TAF4: variants seen among roughly 807,000 people sequenced by gnomAD.
TAF4 encodes TATA-box binding protein associated factor 4.
In TAF4, 9 loss-of-function variants were observed where a neutral mutation model predicts 90.3. That is an observed-to-expected ratio of 0.10 (90% confidence interval 0.06 to 0.17). The LOEUF (loss-of-function observed/expected upper bound fraction) is 0.17, where lower values mean the gene tolerates loss of function less well. Among genes scored for constraint, TAF4 ranks in the 10% least tolerant of loss-of-function variants. TAF4 has a pLI of 1.00. For synonymous variants in TAF4, 818 were observed against 638.9 expected (o/e 1.28, Z -4.23); for missense variants, 1,351 against 1,370.7 (o/e 0.99, Z 0.23).
intron 14 of TAF4, among the ~76,000 whole-genome samples, chr20:61,985,239 G>C (rs1387482547): frequency 6.6e-6 from 1 of 151,644 alleles, no homozygotes; most frequent in East Asian, 2.0e-4. Context: ...CACACTGAGG[G>C]ACTAAACCCG....
intron 1 of TAF4, among the ~76,000 whole-genome samples, chr20:62,047,653 A>T (rs2056001015): frequency 6.6e-6 from 1 of 152,190 alleles, no homozygotes; most frequent in South Asian, 2.1e-4. Flanking sequence ...ATAAAAAGAG[A>T]TGGAAACGGT....
intron 14 of TAF4, among the ~76,000 whole-genome samples, chr20:61,988,220 G>A (rs894400253): frequency 6.6e-6 from 1 of 151,914 alleles, no homozygotes; most frequent in Non-Finnish European, 1.5e-5. Context: ...TGGGTGAGAA[G>A]GACGTGTTGA....
chr20:62,047,813 G>A (rs79306734), intron 1 of TAF4, among the ~76,000 whole-genome samples: 2,258 of 152,262 alleles, frequency 0.015, 57 homozygotes, highest in African/African-American at 0.051. Context: ...GAATACAAAC[G>A]CACGCTATCC....
intron 14 of TAF4, among the ~76,000 whole-genome samples, chr20:61,983,118 G>C (rs1423723794): frequency 6.6e-6 from 1 of 152,038 alleles, no homozygotes; most frequent in Non-Finnish European, 1.5e-5. Context: ...CCAAAAGGCA[G>C]AGGAAGAAGC....
chr20:62,062,628 AGTT>A (rs759362978), intron 1 of TAF4, among the ~76,000 whole-genome samples: 3 of 152,202 alleles, frequency 2.0e-5, no homozygotes, highest in Non-Finnish European at 2.9e-5. Context: ...ACACTCCTAC[AGTT>A]GTTTTTCAAG....
chr20:62,000,061 C>A, intron 11 of TAF4, 63 bp downstream of exon 11: 1 of 1,613,142 alleles, frequency 6.2e-7, no homozygotes, highest in South Asian at 1.1e-5. Context: ...GAGGAGGCTC[C>A]CAGCCAGCAG....
intron 1 of TAF4, among the ~76,000 whole-genome samples, chr20:62,045,939 C>T (rs1462594597): frequency 6.6e-6 from 1 of 152,220 alleles, no homozygotes; most frequent in African/African-American, 2.4e-5. Context: ...TTTTCCTTCT[C>T]TCACGCAAAC....
At chr20:61,988,519 T>C (rs1464464587) in intron 14 of TAF4, among the ~76,000 whole-genome samples, 2 of 152,080 alleles carry the variant, frequency 1.3e-5, no homozygotes, top group African/African-American at 4.8e-5. Context: ...TTCCTGTAAG[T>C]ATAGAATTCA....
intron 1 of TAF4, among the ~76,000 whole-genome samples, chr20:62,061,111 T>G (rs1052799348): frequency 6.6e-6 from 1 of 152,194 alleles, no homozygotes; most frequent in Non-Finnish European, 1.5e-5. Context: ...ATCTAAACTT[T>G]TAGGAATGTC....
Position 62,007,595 on chromosome 20 carries a change from G to A in TAF4, c.1926C>T (p.Tyr642=). The A allele has an allele frequency of 5.0e-6, 8 of 1,605,180 alleles. No individual in the cohort carries two copies. Among genetic ancestry groups the A allele is most frequent in the Non-Finnish European group, 6.8e-6 (8 of 1,177,124 alleles). ...GTTGAGGTGAAGAATTAAGTTCTCG[G>A]TATAACCTGCTTGTGAAATCTTCTG... ...IEAEDFTSRL[Y]RELNSSPQPY... The change falls in exon 6 of 15, where the codon TAC becomes TAT. Residue 642 remains tyrosine, a synonymous_variant. Transcript: ENST00000252996.
chr20:62,016,137 T>C (rs1004696365), intron 1 of TAF4, among the ~76,000 whole-genome samples: 2 of 152,212 alleles, frequency 1.3e-5, no homozygotes, highest in Admixed American at 6.5e-5. Flanking sequence ...TCATCAGCCA[T>C]GTGGCCGCCA....
rs773097361 is a variant in TAF4 at position 62,003,706 on chromosome 20, G to A, written c.2371+25C>T. 9.6e-6 allele frequency: 15 copies of A among 1,558,568 alleles called. No individual in the cohort carries two copies. The East Asian group carries it at 1.2e-4, about 12-fold the overall frequency. ...CTGGGAGCAGCCCTTGGTGTTGAGC[G>A]GCCAGGGGCCCGCGAGGCCCTCACC... is the stretch of plus-strand genomic sequence containing the variant. On this transcript the variant is annotated intron_variant, in intron 8 of 14. Coordinates refer to ENST00000252996, the MANE Select transcript of TAF4 (RefSeq NM_003185.4).
At chr20:62,062,788 G>T (rs1332961137) in intron 1 of TAF4, among the ~76,000 whole-genome samples, 1 of 152,216 alleles carries the variant, frequency 6.6e-6, no homozygotes, top group Non-Finnish European at 1.5e-5. Context: ...GAAAGAGACA[G>T]ATGAGGCTTT....
intron 1 of TAF4, among the ~76,000 whole-genome samples, chr20:62,035,062 C>T (rs144893999): frequency 0.02 from 3,013 of 152,246 alleles, 98 homozygotes; most frequent in African/African-American, 0.068. Flanking sequence ...CCTCATGATC[C>T]GCCTGCCTGG....
chr20:62,023,790 A>C (rs1458430050), intron 1 of TAF4, among the ~76,000 whole-genome samples: 1 of 151,074 alleles, frequency 6.6e-6, no homozygotes, highest in African/African-American at 2.4e-5. Flanking sequence ...AAAGAAAAAG[A>C]AAGCTCCAGT....
At chr20:62,003,581 G>A (rs1209973439) in intron 8 of TAF4, 150 bp downstream of exon 8, 2 of 885,572 alleles carry the variant, frequency 2.3e-6, no homozygotes, top group Non-Finnish European at 3.3e-6. Flanking sequence ...ACACAACACA[G>A]TAAATGAAAT....
intron 1 of TAF4, among the ~76,000 whole-genome samples, chr20:62,025,510 T>G (rs1481179988): frequency 6.6e-6 from 1 of 152,084 alleles, no homozygotes; most frequent in Admixed American, 6.5e-5. Context: ...AGTGACTGGA[T>G]CATGGGGACA....
chr20:62,061,249 C>T (rs1007140663), intron 1 of TAF4, among the ~76,000 whole-genome samples: 2 of 152,250 alleles, frequency 1.3e-5, no homozygotes, highest in African/African-American at 4.8e-5. Context: ...CCCGTCCCAA[C>T]AGCGCGATTA....
At chr20:62,007,782 A>C in intron 5 of TAF4, 146 bp from the exon 6 acceptor site, 1 of 710,408 alleles carries the variant, frequency 1.4e-6, no homozygotes, top group Non-Finnish European at 2.3e-6. Context: ...TGCGTGCTAC[A>C]CCTTTCACAG....
Sources: gnomAD v4.1 joint callset for allele counts (sites outside exome capture counted in the v4.1 genomes callset) on GRCh38, gnomAD v4.1.1 for gene constraint, MANE v1.5 for transcripts, NCBI Gene and HGNC (gene_info 2026-07-23, HGNC 2026-07-21) for gene names.